The following DMD variants were observed in gnomAD, a reference collection of about 807,000 sequenced individuals.
DMD encodes mutant dystrophin.
DMD carries 63 observed loss-of-function variants against 330.1 expected under a neutral mutation model. The ratio of observed to expected loss-of-function variants is 0.19; its 90% CI spans 0.16 to 0.24. The LOEUF is 0.24. Among genes scored for constraint, DMD ranks in the 10% least tolerant of loss-of-function variants. The pLI is 1.00. For missense variants in DMD, 3,344 were observed against 2,684.1 expected, an observed-to-expected ratio of 1.25 and a Z score of -5.43; for synonymous variants, 1,223 against 959.8, an observed-to-expected ratio of 1.27 and a Z score of -5.07.
chrX:33,302,417 AG>A (rs1265356194), intron 1 of DMD, among the ~76,000 whole-genome samples: 1 of 112,040 alleles, frequency 8.9e-6, no homozygotes, highest in Non-Finnish European at 1.9e-5. Context: ...CACCATTTCT[AG>A]GTTGATAGGT....
chrX:33,280,414 A>G (rs2053311472), intron 1 of DMD, among the ~76,000 whole-genome samples: 1 of 112,356 alleles, frequency 8.9e-6, no homozygotes. Context: ...GTTAGATCCC[A>G]AATATGTTCT....
intron 1 of DMD, among the ~76,000 whole-genome samples, chrX:33,259,796 T>A (rs1258507429): frequency 9.1e-6 from 1 of 109,743 alleles, no homozygotes; most frequent in Non-Finnish European, 1.9e-5. Flanking sequence ...TGCCACATAG[T>A]CGAAATTCAA....
chrX:32,672,893 T>TA (rs2147221170), intron 9 of DMD, among the ~76,000 whole-genome samples: 1 of 110,784 alleles, frequency 9.0e-6, no homozygotes, highest in African/African-American at 3.3e-5. Flanking sequence ...ATATTTGGAT[T>TA]AAAGGCTTAC....
intron 64 of DMD, among the ~76,000 whole-genome samples, chrX:31,221,563 A>G (rs1321353313): frequency 1.8e-5 from 2 of 112,966 alleles, no homozygotes; most frequent in Non-Finnish European, 3.7e-5. Context: ...AGCTGTTCAC[A>G]TAGTACCCCA....
chrX:32,344,397 T>C (rs755402651), intron 39 of DMD, among the ~76,000 whole-genome samples: 11 of 111,928 alleles, frequency 9.8e-5, no homozygotes, highest in Middle Eastern at 4.6e-3. Flanking sequence ...CGAGTAGTGT[T>C]GACGATTTTG....
At chrX:32,970,254 C>A (rs1293499617) in intron 2 of DMD, among the ~76,000 whole-genome samples, 1 of 93,879 alleles carries the variant, frequency 1.1e-5, no homozygotes, top group Admixed American at 1.1e-4. Context: ...TATTTGATAG[C>A]ACAACAGGGT....
rs750720385 is a variant in DMD at position 31,547,173 on chromosome X, T to C, written c.8218-39720A>G. Among the ~76,000 whole-genome samples the C allele has an allele frequency of 2.7e-5, 3 of 112,391 alleles. No individual in the cohort carries two copies. In the Middle Eastern group the frequency reaches 0.014, roughly 518 times the overall value. ...AAATAACATAATAAAAAGAAGAACA[T>C]TACAATCTGTTTAACATAACCTAAC... On this transcript the variant is annotated intron_variant, in intron 55 of 78. Transcript: ENST00000357033.
chrX:31,928,994 G>A (rs1448028070), intron 47 of DMD, among the ~76,000 whole-genome samples: 1 of 111,528 alleles, frequency 9.0e-6, no homozygotes, highest in Non-Finnish European at 1.9e-5. Context: ...AATAGTGCTG[G>A]ATCAATTGAT....
intron 11 of DMD, among the ~76,000 whole-genome samples, chrX:32,639,362 TGTATTCCACA>T (rs1172541619): frequency 9.0e-6 from 1 of 111,302 alleles, no homozygotes; most frequent in African/African-American, 3.3e-5. Flanking sequence ...CCATCCCAAG[TGTATTCCACA>T]GCATTAAAAA....
chrX:31,530,647 C>CTTT (rs1192286078), intron 55 of DMD, among the ~76,000 whole-genome samples: 18 of 49,797 alleles, frequency 3.6e-4, no homozygotes, highest in Admixed American at 5.2e-4. Context: ...ACTGGTTTCT[C>CTTT]TTTTTTTTTT....
chrX:32,507,550 A>C (rs1219503316), intron 18 of DMD, among the ~76,000 whole-genome samples: 2 of 111,583 alleles, frequency 1.8e-5, no homozygotes, highest in Non-Finnish European at 3.8e-5. Context: ...TGTTAACCAC[A>C]TTGTTCCAGT....
intron 51 of DMD, among the ~76,000 whole-genome samples, chrX:31,766,903 T>TGTGTGTGTG (rs1270592266): frequency 3.8e-4 from 24 of 62,576 alleles, no homozygotes; most frequent in Non-Finnish European, 6.7e-4. Flanking sequence ...GTGTGTGTGT[T>TGTGTGTGTG]TGCAACTCTA....
intron 61 of DMD, among the ~76,000 whole-genome samples, chrX:31,339,750 T>A (rs1008576483): frequency 4.5e-5 from 5 of 111,680 alleles, no homozygotes; most frequent in Non-Finnish European, 7.5e-5. Flanking sequence ...TAATTTTGTA[T>A]TTTTAGTAGA....
At chrX:31,800,730 T>A (rs1434241133) in intron 50 of DMD, among the ~76,000 whole-genome samples, 12 of 111,843 alleles carry the variant, frequency 1.1e-4, no homozygotes, top group Non-Finnish European at 2.1e-4. Flanking sequence ...AAAACAAAGT[T>A]CCAATTTCAG....
Position 33,009,564 on chromosome X carries a change from G to GTATACGTA in DMD, c.93+10574_93+10575insTACGTATA, listed in dbSNP as rs749336097. Among the ~76,000 whole-genome samples the GTATACGTA allele has an allele frequency of 1.1e-3, 42 of 38,106 alleles. 12 individuals are homozygous for GTATACGTA. The highest frequency in any genetic ancestry group is 3.9e-3 in the African/African-American group (40 of 10,292). 33.1% of individuals were successfully genotyped at this position (38,106 alleles called of 115,157 possible). A position where few individuals can be genotyped will look rare whatever the true frequency, so the allele number is the denominator to read the frequency against. On this transcript the variant is annotated intron_variant, in intron 2 of 78. Transcript: ENST00000357033. Reference sequence around the variant, plus strand: ...TATATACACATATGTGTGTATGTGTGTATGTGTATATACACATATGTGTGT... The same window carrying GTATACGTA: ...TATATACACATATGTGTGTATGTGTGTATACGTATATGTGTATATACACATATGTGTGT...
intron 2 of DMD, among the ~76,000 whole-genome samples, chrX:32,996,447 G>A (rs962964705): frequency 1.8e-5 from 2 of 111,600 alleles, no homozygotes; most frequent in African/African-American, 6.5e-5. Flanking sequence ...TCATGAAGAA[G>A]GATATTAAAG....
chrX:31,293,928 G>T (rs2053965541), intron 62 of DMD, among the ~76,000 whole-genome samples: 1 of 111,879 alleles, frequency 8.9e-6, no homozygotes, highest in Non-Finnish European at 1.9e-5. Context: ...TGCCAAGGCA[G>T]GAGGATCGCT....
chrX:32,872,212 A>G (rs2083053472), intron 2 of DMD, among the ~76,000 whole-genome samples: 1 of 111,438 alleles, frequency 9.0e-6, no homozygotes, highest in East Asian at 2.8e-4. Flanking sequence ...TAATGCCATC[A>G]TGACCAACTA....
intron 1 of DMD, among the ~76,000 whole-genome samples, chrX:33,219,707 G>A (rs2052135559): frequency 9.0e-6 from 1 of 110,617 alleles, no homozygotes; most frequent in Non-Finnish European, 1.9e-5. Context: ...AAATGTACAG[G>A]GATTAATGAA....
Sources: gnomAD v4.1 joint callset for allele counts (sites outside exome capture counted in the v4.1 genomes callset) on GRCh38, gnomAD v4.1.1 for gene constraint, MANE v1.5 for transcripts, NCBI Gene and HGNC (gene_info 2026-07-23, HGNC 2026-07-21) for gene names.